STK3: variants seen among roughly 807,000 people sequenced by gnomAD.
The protein encoded by STK3 is serine/threonine-protein kinase 3.
In STK3, 41 loss-of-function variants were observed where a neutral mutation model predicts 58.0. The ratio of observed to expected loss-of-function variants is 0.71; its 90% CI spans 0.55 to 0.92. STK3 has a LOEUF of 0.92. Among genes scored for constraint, STK3 ranks in the 40% least tolerant of loss-of-function variants. The probability of loss-of-function intolerance (pLI) is 0.00; values close to 1 mark genes in which losing one functional copy is unlikely to be tolerated. For missense variants in STK3, 479 were observed against 602.7 expected, an observed-to-expected ratio of 0.79 and a Z score of 2.15; for synonymous variants, 170 against 191.0, an observed-to-expected ratio of 0.89 and a Z score of 0.91.
At chr8:98,934,355 A>G (rs1348602695) in intron 1 of STK3, among the ~76,000 whole-genome samples, 4 of 152,180 alleles carry the variant, frequency 2.6e-5, no homozygotes, top group Admixed American at 6.5e-5. Flanking sequence ...GCCTTCCCCA[A>G]CAATCCCCAG....
chr8:98,753,098 C>T (rs1437607520), intron 3 of STK3, among the ~76,000 whole-genome samples: 4 of 152,160 alleles, frequency 2.6e-5, no homozygotes, highest in Non-Finnish European at 5.9e-5. Flanking sequence ...ACCATTCAAC[C>T]TAGCAATCTC....
At chr8:98,568,631 A>G (rs1812706442) in intron 8 of STK3, among the ~76,000 whole-genome samples, 1 of 152,212 alleles carries the variant, frequency 6.6e-6, no homozygotes, top group Non-Finnish European at 1.5e-5. Flanking sequence ...AAGAACAGAC[A>G]CAAGGCAGGG....
chr8:98,788,960 T>C (rs1832642736), intron 1 of STK3, among the ~76,000 whole-genome samples: 1 of 152,178 alleles, frequency 6.6e-6, no homozygotes, highest in Non-Finnish European at 1.5e-5. Flanking sequence ...AGAATATACA[T>C]TCTATTCAAC....
intron 2 of STK3, among the ~76,000 whole-genome samples, chr8:98,435,846 T>C (rs947436492): frequency 1.3e-5 from 2 of 152,064 alleles, no homozygotes; most frequent in African/African-American, 4.8e-5. Flanking sequence ...AAGGGGCCCT[T>C]GGGGATGAGT....
At chr8:98,867,428 T>C (rs1837186819) in intron 3 of STK3, among the ~76,000 whole-genome samples, 1 of 152,114 alleles carries the variant, frequency 6.6e-6, no homozygotes, top group Non-Finnish European at 1.5e-5. Context: ...AAAATAATTT[T>C]TTTAAAAGGG....
At chr8:98,837,999 TG>T (rs1433307697) in intron 3 of STK3, among the ~76,000 whole-genome samples, 3 of 142,332 alleles carry the variant, frequency 2.1e-5, no homozygotes, top group African/African-American at 7.9e-5. Context: ...GAGGCCAAGG[TG>T]GGTGGATCAC....
At chr8:98,895,756 T>G (rs1192428949) in intron 1 of STK3, among the ~76,000 whole-genome samples, 1 of 152,140 alleles carries the variant, frequency 6.6e-6, no homozygotes, top group Non-Finnish European at 1.5e-5. Context: ...GATCCTGGAA[T>G]CTACTCTACC....
At chr8:98,457,692 G>A (rs189981231) in intron 10 of STK3, among the ~76,000 whole-genome samples, 8 of 152,136 alleles carry the variant, frequency 5.3e-5, no homozygotes, top group Non-Finnish European at 1.0e-4. Context: ...TGACGTAAAC[G>A]TAGATAGATA....
chr8:98,644,980 G>C (rs1025911681), intron 6 of STK3, among the ~76,000 whole-genome samples: 1 of 152,122 alleles, frequency 6.6e-6, no homozygotes, highest in African/African-American at 2.4e-5. Flanking sequence ...ACCTGTGTGT[G>C]CCTCCGTGGT....
intron 10 of STK3, among the ~76,000 whole-genome samples, chr8:98,485,049 A>G (rs745749589): frequency 1.3e-5 from 2 of 152,054 alleles, no homozygotes; most frequent in Non-Finnish European, 2.9e-5. Context: ...AGATCAGCCT[A>G]GCCAACATGG....
intron 6 of STK3, among the ~76,000 whole-genome samples, chr8:98,674,313 T>C (rs1318510044): frequency 6.6e-6 from 1 of 152,112 alleles, no homozygotes; most frequent in Non-Finnish European, 1.5e-5. Flanking sequence ...TTAAACAATA[T>C]ATAAAATACC....
At position 98,858,347 on chromosome 8, in the gene STK3, G is replaced by C. The variant is rs554168484; in HGVS notation, c.110+25300C>G. Among the ~76,000 whole-genome samples, 59 of 135,852 alleles carry C rather than the reference G, an allele frequency of 4.3e-4. 1 individual carries two copies. The highest frequency in any genetic ancestry group is 1.6e-3 in the African/African-American group (58 of 36,836). The allele number at this position is 135,852 out of a possible 152,430, so 89.1% of individuals were successfully genotyped here. ...ATAGAGAGAGAGAGAGAGAGAGAGA[G>C]AGAGAGAGAGAGACAGAGAGAGAGT... On this transcript the variant is annotated intron_variant, in intron 3 of 12. Transcript: ENST00000523601.
At chr8:98,613,396 A>G (rs530791100) in intron 6 of STK3, among the ~76,000 whole-genome samples, 3 of 152,226 alleles carry the variant, frequency 2.0e-5, no homozygotes, top group Non-Finnish European at 4.4e-5. Flanking sequence ...CCAAAAAAAG[A>G]CATGTCAGAA....
intron 4 of STK3, among the ~76,000 whole-genome samples, chr8:98,726,804 G>C (rs139153150): frequency 9.7e-4 from 147 of 152,228 alleles, no homozygotes; most frequent in African/African-American, 3.3e-3. Context: ...GCAGGAACAG[G>C]CTCCTTGAGA....
At chr8:98,855,460 T>A (rs1218213489) in intron 3 of STK3, among the ~76,000 whole-genome samples, 2 of 152,148 alleles carry the variant, frequency 1.3e-5, no homozygotes, top group East Asian at 3.9e-4. Context: ...GATAGCCACA[T>A]GCAAAAGAAT....
intron 10 of STK3, among the ~76,000 whole-genome samples, chr8:98,457,910 T>A (rs1215875121): frequency 1.3e-5 from 2 of 152,206 alleles, no homozygotes; most frequent in African/African-American, 4.8e-5. Flanking sequence ...AAAAAGAAGC[T>A]ACTTAGAAGA....
At chr8:98,693,225 A>T (rs1349902312) in intron 6 of STK3, among the ~76,000 whole-genome samples, 1 of 152,026 alleles carries the variant, frequency 6.6e-6, no homozygotes, top group Non-Finnish European at 1.5e-5. Context: ...GGTGAACCCC[A>T]TCTCCACAAA....
At chr8:98,679,455 T>C (rs372229210) in intron 6 of STK3, among the ~76,000 whole-genome samples, 2 of 152,186 alleles carry the variant, frequency 1.3e-5, no homozygotes, top group East Asian at 3.9e-4. Context: ...CACCCTACCC[T>C]TGAAATTTCC....
chr8:98,413,243 G>A (rs527762672), intron 3 of STK3: 3 of 347,014 alleles, frequency 8.6e-6, no homozygotes, highest in South Asian at 4.8e-5. Flanking sequence ...TCGGACTCCT[G>A]AACTCAAGTG....
Sources: gnomAD v4.1 joint callset for allele counts (sites outside exome capture counted in the v4.1 genomes callset) on GRCh38, gnomAD v4.1.1 for gene constraint, MANE v1.5 for transcripts, NCBI Gene and HGNC (gene_info 2026-07-23, HGNC 2026-07-21) for gene names.